Variants in APELA observed in about 807,000 individuals in gnomAD.
APELA encodes apelin receptor early endogenous ligand.
intron 2 of APELA, among the ~76,000 whole-genome samples, chr4:164,889,184 T>G (rs1730834992): frequency 1.5e-5 from 2 of 137,508 alleles, no homozygotes; most frequent in African/African-American, 2.7e-5. Context: ...GGGGTGGGAG[T>G]GGGGATGAGG....
At chr4:164,883,029 T>A (rs1730691605) in intron 2 of APELA, among the ~76,000 whole-genome samples, 1 of 152,170 alleles carries the variant, frequency 6.6e-6, no homozygotes, top group Non-Finnish European at 1.5e-5. Context: ...AAGCTTTGCT[T>A]CTAGTTTCCT....
At chr4:164,889,284 A>G in intron 2 of APELA, among the ~76,000 whole-genome samples, 1 of 152,134 alleles carries the variant, frequency 6.6e-6, no homozygotes. Context: ...TTTTATACTT[A>G]GTCTTCACAT....
chr4:164,897,901 CT>C (rs1731004320), downstream of APELA, among the ~76,000 whole-genome samples: 1 of 152,072 alleles, frequency 6.6e-6, no homozygotes, highest in Non-Finnish European at 1.5e-5. Context: ...TTTTAATTAT[CT>C]TTCTTGGAGA....
chr4:164,888,662 C>A (rs1730824587), intron 2 of APELA, among the ~76,000 whole-genome samples: 1 of 152,212 alleles, frequency 6.6e-6, no homozygotes, highest in South Asian at 2.1e-4. Context: ...TCACATTACA[C>A]AAGCTCAACG....
At chr4:164,885,917 A>G (rs183771760) in intron 2 of APELA, among the ~76,000 whole-genome samples, 1 of 152,084 alleles carries the variant, frequency 6.6e-6, no homozygotes, top group African/African-American at 2.4e-5. Flanking sequence ...TCTTCTAGGA[A>G]TTTCTTCTCT....
intron 2 of APELA, among the ~76,000 whole-genome samples, chr4:164,893,962 C>CA (rs1730925569): frequency 1.4e-5 from 2 of 146,832 alleles, no homozygotes; most frequent in African/African-American, 5.1e-5. Flanking sequence ...TTTTGGTCAC[C>CA]GAAAAAAAAA....
intron 2 of APELA, among the ~76,000 whole-genome samples, chr4:164,889,866 C>T (rs1208043877): frequency 1.3e-5 from 2 of 152,158 alleles, no homozygotes; most frequent in African/African-American, 4.8e-5. Context: ...TATTTACATA[C>T]CATTTATATT....
At chr4:164,880,593 G>C (rs558193727) in intron 2 of APELA, among the ~76,000 whole-genome samples, 1 of 152,282 alleles carries the variant, frequency 6.6e-6, no homozygotes, top group African/African-American at 2.4e-5. Flanking sequence ...GAGGAATAGA[G>C]ACACCCCAGA....
intron 2 of APELA, among the ~76,000 whole-genome samples, chr4:164,880,863 C>T (rs1352044817): frequency 6.6e-6 from 1 of 152,154 alleles, no homozygotes; most frequent in African/African-American, 2.4e-5. Context: ...TTAATTAAAG[C>T]TATGCAAACT....
chr4:164,886,201 G>A (rs1019679633), intron 2 of APELA, among the ~76,000 whole-genome samples: 23 of 151,910 alleles, frequency 1.5e-4, no homozygotes, highest in Non-Finnish European at 2.6e-4. Flanking sequence ...GCATTCCTGT[G>A]TGGGCTGAAA....
chr4:164,884,525 T>C (rs1579108880), intron 2 of APELA, among the ~76,000 whole-genome samples: 1 of 152,242 alleles, frequency 6.6e-6, no homozygotes, highest in East Asian at 1.9e-4. Flanking sequence ...ATATATACCT[T>C]TCCAGTTTCA....
At chr4:164,889,736 T>C (rs1159519191) in intron 2 of APELA, among the ~76,000 whole-genome samples, 2 of 152,136 alleles carry the variant, frequency 1.3e-5, no homozygotes, top group Non-Finnish European at 2.9e-5. Context: ...GGTTTTTCAT[T>C]AAATCAGCCA....
chr4:164,889,084 A>C (rs1467651478), intron 2 of APELA, among the ~76,000 whole-genome samples: 1 of 151,560 alleles, frequency 6.6e-6, no homozygotes, highest in African/African-American at 2.4e-5. Context: ...CCTCACTGCT[A>C]GATCCGCCTC....
intron 2 of APELA, among the ~76,000 whole-genome samples, chr4:164,887,662 A>C (rs1366335207): frequency 6.6e-6 from 1 of 151,074 alleles, no homozygotes; most frequent in African/African-American, 2.4e-5. Flanking sequence ...CCCAGGCTGG[A>C]TTGCAATGGT....
intron 2 of APELA, among the ~76,000 whole-genome samples, chr4:164,884,085 GA>G (rs200466263): frequency 0.013 from 1,179 of 92,840 alleles, 14 homozygotes; most frequent in African/African-American, 0.047. Context: ...AAGAAAGAAG[GA>G]AAAAAAGAAA....
intron 2 of APELA, among the ~76,000 whole-genome samples, chr4:164,891,991 TG>T: frequency 1.3e-5 from 2 of 152,260 alleles, no homozygotes; most frequent in Admixed American, 1.3e-4. Context: ...ATGTTTGTTT[TG>T]GTCACCTTCT....
intron 2 of APELA, among the ~76,000 whole-genome samples, chr4:164,880,259 G>T (rs528502552): frequency 6.6e-6 from 1 of 152,260 alleles, no homozygotes; most frequent in African/African-American, 2.4e-5. Context: ...TTCCAAACCC[G>T]GGGAAAGCCC....
intron 2 of APELA, among the ~76,000 whole-genome samples, chr4:164,885,826 C>G (rs1468768777): frequency 6.6e-6 from 1 of 151,994 alleles, no homozygotes; most frequent in Non-Finnish European, 1.5e-5. Flanking sequence ...TCTCACTAGA[C>G]ACACACACAT....
intron 1 of APELA, among the ~76,000 whole-genome samples, chr4:164,878,477 C>T (rs928783981): frequency 1.3e-5 from 2 of 152,208 alleles, no homozygotes; most frequent in South Asian, 2.1e-4. Flanking sequence ...AATTCAGCAA[C>T]TCTGAGAAAG....
Sources: allele counts gnomAD v4.1 joint callset (sites outside exome capture counted in the v4.1 genomes callset), GRCh38; gene constraint gnomAD v4.1.1; transcripts MANE v1.5; gene names NCBI Gene and HGNC (gene_info 2026-07-23, HGNC 2026-07-21).